The following PCDHA6 variants were observed in gnomAD, a reference collection of about 807,000 sequenced individuals.
The protein encoded by PCDHA6 is protocadherin alpha-6.
PCDHA6 carries 55 observed loss-of-function variants against 60.3 expected under a neutral mutation model. That is an observed-to-expected ratio of 0.91 (90% confidence interval 0.73 to 1.14). PCDHA6 has a LOEUF of 1.14. Among genes scored for constraint, PCDHA6 ranks in the 50% most tolerant of loss-of-function variants. The pLI is 0.00. For synonymous variants in PCDHA6, 652 were observed against 557.9 expected (o/e 1.17, Z -2.38); for missense variants, 1,327 against 1,256.5 (o/e 1.06, Z -0.85).
At chr5:140,841,749 C>T in intron 1 of PCDHA6, 1 of 1,613,878 alleles carries the variant, frequency 6.2e-7, no homozygotes, top group Non-Finnish European at 8.5e-7. Flanking sequence ...CTGTTTGTTT[C>T]AGAATCCAGA....
chr5:140,850,258 G>A, intron 1 of PCDHA6: 1 of 1,594,156 alleles, frequency 6.3e-7, no homozygotes, highest in South Asian at 1.1e-5. Flanking sequence ...GTGGGCGCCG[G>A]CGTAGTGGTG....
chr5:140,951,144 T>C (rs1052192456), intron 1 of PCDHA6, among the ~76,000 whole-genome samples: 3 of 100,560 alleles, frequency 3.0e-5, no homozygotes, highest in Non-Finnish European at 6.0e-5. Context: ...CTTTATCTTA[T>C]TGAATATAGT....
intron 1 of PCDHA6, chr5:140,876,529 A>G (rs375358450): frequency 1.2e-5 from 19 of 1,614,034 alleles, no homozygotes; most frequent in Non-Finnish European, 1.5e-5. Context: ...AGTAATGGTT[A>G]CTTCACTGTC....
intron 3 of PCDHA6, among the ~76,000 whole-genome samples, chr5:140,985,992 G>A (rs1173402846): frequency 3.3e-5 from 5 of 152,068 alleles, no homozygotes; most frequent in African/African-American, 4.8e-5. Context: ...GCCCACCTCA[G>A]CCTCCCAAAG....
intron 3 of PCDHA6, among the ~76,000 whole-genome samples, chr5:140,991,067 A>C (rs2097429962): frequency 6.6e-6 from 1 of 152,184 alleles, no homozygotes; most frequent in Admixed American, 6.5e-5. Flanking sequence ...TATTATTCCC[A>C]TGTTTCAGAT....
At chr5:140,896,099 C>T (rs1395621401) in intron 1 of PCDHA6, among the ~76,000 whole-genome samples, 1 of 152,236 alleles carries the variant, frequency 6.6e-6, no homozygotes, top group Non-Finnish European at 1.5e-5. Context: ...GCGTGAGCCA[C>T]TGTGCCTGGC....
At chr5:140,952,171 TG>T (rs2094700193) in intron 1 of PCDHA6, among the ~76,000 whole-genome samples, 1 of 152,084 alleles carries the variant, frequency 6.6e-6, no homozygotes, top group Non-Finnish European at 1.5e-5. Context: ...GTTCAGTTCC[TG>T]CAGCTGCTCT....
At chr5:140,841,446 G>A (rs2150180701) in intron 1 of PCDHA6, 1 of 1,612,928 alleles carries the variant, frequency 6.2e-7, no homozygotes, top group Non-Finnish European at 8.5e-7. Context: ...GCCAAACACG[G>A]CACCTTCGTG....
intron 1 of PCDHA6, among the ~76,000 whole-genome samples, chr5:140,898,104 A>G (rs1220718510): frequency 2.0e-5 from 3 of 152,110 alleles, no homozygotes; most frequent in Middle Eastern, 3.4e-3. Flanking sequence ...TTGTCAGATG[A>G]GTAGGTTGCG....
In PCDHA6 at chr5:140,830,423, C is replaced by T. The variant is rs2150186297; in HGVS notation, c.2332C>T (p.Pro778Ser). 29 of 1,613,982 alleles carry T rather than the reference C, an allele frequency of 1.8e-5. 1 individual carries two copies. The Middle Eastern group carries it at 2.0e-3, about 110-fold the overall frequency. ...CATGGCCTTTAGCCCCAGCCTTTCACCTTGTCCTATTATGATGGGTAAGGC... is the reference window on the plus strand; with the variant it reads ...CATGGCCTTTAGCCCCAGCCTTTCATCTTGTCCTATTATGATGGGTAAGGC... ...DLMAFSPSLSPCPIMMGKAEN... is the reference protein window; with the variant it reads ...DLMAFSPSLSSCPIMMGKAEN... Residue 778 changes from proline to serine, a missense_variant, in exon 1 of 4, where the codon CCT becomes TCT. Transcript: ENST00000529310.
intron 1 of PCDHA6, among the ~76,000 whole-genome samples, chr5:140,964,392 C>A (rs2095829219): frequency 6.6e-6 from 1 of 152,072 alleles, no homozygotes; most frequent in African/African-American, 2.4e-5. Flanking sequence ...GGTTTTTCTC[C>A]CAAGACATGA....
intron 1 of PCDHA6, among the ~76,000 whole-genome samples, chr5:140,936,730 T>C (rs2091111568): frequency 6.6e-6 from 1 of 152,258 alleles, no homozygotes; most frequent in Non-Finnish European, 1.5e-5. Flanking sequence ...GTGTTAAATA[T>C]AGTAACTTTT....
chr5:140,969,549 C>G (rs1213967618), intron 1 of PCDHA6: 33 of 1,238,058 alleles, frequency 2.7e-5, no homozygotes, highest in Non-Finnish European at 3.4e-5. Flanking sequence ...AGGCATGAAG[C>G]CTTGTCCATA....
chr5:140,829,979 G>A lies in PCDHA6; in HGVS notation c.1888G>A (p.Glu630Lys), dbSNP rs2150179079. 9 of 1,614,004 alleles carry A rather than the reference G, an allele frequency of 5.6e-6. No individual in the cohort carries two copies. Among genetic ancestry groups the A allele is most frequent in the Non-Finnish European group, 7.6e-6 (9 of 1,179,918 alleles). The change falls in exon 1 of 4, where the codon GAG becomes AAG. Residue 630 changes from glutamate (E) to lysine (K), a missense_variant. Coordinates refer to ENST00000529310, the MANE Select transcript of PCDHA6 (RefSeq NM_018909.4). ...FPFRVGLYTGEISTTRVLDEA... is the reference protein window; with the variant it reads ...FPFRVGLYTGKISTTRVLDEA... The stretch of plus-strand genomic sequence containing the variant: ...GTTTCGCGTGGGGCTGTACACGGGC[G>A]AGATCAGCACCACTCGTGTCCTGGA...
At chr5:140,860,734 GTTTTTTA>G (rs1404225189) in intron 1 of PCDHA6, 2 of 152,108 alleles carry the variant, frequency 1.3e-5, no homozygotes, top group Non-Finnish European at 2.9e-5. Context: ...TGGTTTTTTT[GTTTTTTA>G]TTTTTTATTT....
At chr5:140,911,410 A>G (rs1472938045) in intron 1 of PCDHA6, among the ~76,000 whole-genome samples, 1 of 152,208 alleles carries the variant, frequency 6.6e-6, no homozygotes, top group African/African-American at 2.4e-5. Context: ...AGCCACTGGT[A>G]TGATAAGAAC....
intron 1 of PCDHA6, among the ~76,000 whole-genome samples, chr5:140,900,446 T>C (rs1344652526): frequency 6.6e-6 from 1 of 152,154 alleles, no homozygotes; most frequent in African/African-American, 2.4e-5. Context: ...GCCGGCTAAT[T>C]TTTTATTTTT....
Position 140,829,267 on chromosome 5 carries a change from C to T in PCDHA6, c.1176C>T (p.His392=), listed in dbSNP as rs2150164900. 24 of 1,614,242 alleles carry T rather than the reference C, an allele frequency of 1.5e-5. No individual in the cohort carries two copies. The highest frequency in any genetic ancestry group is 2.2e-5 in the East Asian group (1 of 44,876). The change falls in exon 1 of 4, where the codon CAC becomes CAT. Residue 392 remains histidine (H), a synonymous_variant. Transcript: ENST00000529310. The part of the protein sequence containing the change: ...NGQVNCSLTP[H]VPFKLVSTFK... The stretch of plus-strand genomic sequence containing the variant: ...AGGTGAACTGCTCGCTGACGCCTCA[C>T]GTCCCTTTCAAGCTGGTGTCCACCT...
intron 3 of PCDHA6, among the ~76,000 whole-genome samples, chr5:140,994,117 G>A (rs889813029): frequency 2.6e-5 from 4 of 152,198 alleles, no homozygotes; most frequent in Admixed American, 6.5e-5. Flanking sequence ...ATTGTCATGT[G>A]ATAAGGGCGA....
Sources: allele counts gnomAD v4.1 joint callset (sites outside exome capture counted in the v4.1 genomes callset), GRCh38; gene constraint gnomAD v4.1.1; transcripts MANE v1.5; gene names NCBI Gene and HGNC (gene_info 2026-07-23, HGNC 2026-07-21).